The following JAGN1 variants were observed in gnomAD, a reference collection of about 807,000 sequenced individuals.
The protein encoded by JAGN1 is protein jagunal homolog 1.
A neutral mutation model predicts 17.1 loss-of-function variants in JAGN1; 13 were observed. The ratio of observed to expected loss-of-function variants is 0.76; its 90% CI spans 0.49 to 1.21. The LOEUF (loss-of-function observed/expected upper bound fraction) is 1.21, where lower values mean the gene tolerates loss of function less well. JAGN1 is among the 50% of genes most tolerant of loss of function. The pLI is 0.00. For synonymous variants in JAGN1, 111 were observed against 91.0 expected (o/e 1.22, Z -1.25); for missense variants, 256 against 234.2 (o/e 1.09, Z -0.61).
Position 9,893,609 on chromosome 3 carries a change from A to T in JAGN1, c.*232A>T, listed in dbSNP as rs907208002. Reference sequence around the variant, plus strand: ...CTATGAAACAAATTTCAGCTGTTTGAAGTTGAACTTTGAGGTTTTTCTTTA... The same window carrying T: ...CTATGAAACAAATTTCAGCTGTTTGTAGTTGAACTTTGAGGTTTTTCTTTA... On this transcript the variant is annotated 3_prime_UTR_variant, in exon 2 of 2. Coordinates refer to ENST00000647897, the MANE Select transcript of JAGN1 (RefSeq NM_032492.4). The T allele has an allele frequency of 2.1e-5, 11 of 520,904 alleles. No homozygotes were observed. The highest frequency in any genetic ancestry group is 3.7e-5 in the Non-Finnish European group (11 of 295,578). 32.3% of individuals were successfully genotyped at this position (520,904 alleles called of 1,614,324 possible).
Position 9,890,617 on chromosome 3 carries a change from C to G in JAGN1, c.-106C>G, listed in dbSNP as rs542718814. The G allele has an allele frequency of 3.8e-6, 4 of 1,065,520 alleles. No homozygotes were observed. The highest frequency in any genetic ancestry group is 1.5e-5 in the South Asian group (1 of 64,862). The allele number at this position is 1,065,520 out of a possible 1,614,324, so 66.0% of individuals were successfully genotyped here. A position where few individuals can be genotyped will look rare whatever the true frequency, so the allele number is the denominator to read the frequency against. ...ACAGAGGGGCCGGAAGTTCTCTTCACGGAGCCGCGCGGCTGCGGGGGCGCA... is the reference window on the plus strand; with the variant it reads ...ACAGAGGGGCCGGAAGTTCTCTTCAGGGAGCCGCGCGGCTGCGGGGGCGCA... On this transcript the variant is annotated 5_prime_UTR_variant, in exon 1 of 2. Transcript: ENST00000647897.
intron 1 of JAGN1, among the ~76,000 whole-genome samples, chr3:9,891,482 A>G (rs1243085816): frequency 4.0e-5 from 6 of 151,672 alleles, no homozygotes; most frequent in Non-Finnish European, 2.9e-5. Context: ...TCAATAAACA[A>G]TTTTATTAAA....
In JAGN1 at chr3:9,893,224, C is replaced by G. The variant is rs776290458; in HGVS notation, c.399C>G (p.Gly133=). 2 of 1,614,226 alleles carry G rather than the reference C, an allele frequency of 1.2e-6. No individual in the cohort carries two copies. Among genetic ancestry groups the G allele is most frequent in the Non-Finnish European group, 1.7e-6 (2 of 1,180,038 alleles). ...CTGCACAGCAGCTCTACCGCCATGG[C>G]AAGGCCTACCGTTTCCTCTTTGGTT... ...FPAAQQLYRH[G]KAYRFLFGFS... Residue 133 remains glycine, a synonymous_variant, in exon 2 of 2, where the codon GGC becomes GGG. Coordinates refer to ENST00000647897, the MANE Select transcript of JAGN1 (RefSeq NM_032492.4).
intron 1 of JAGN1, 66 bp downstream of exon 1, chr3:9,890,877 G>A: frequency 7.3e-7 from 1 of 1,372,854 alleles, no homozygotes; most frequent in Non-Finnish European, 1.0e-6. Flanking sequence ...CTTGGGGAGC[G>A]ACGCCGGCCC....
chr3:9,890,751 CCGGCACCGA>C lies in JAGN1; in HGVS notation c.35_43del (p.Thr12_Gly14del), dbSNP rs587777731. The C allele has an allele frequency of 1.9e-6, 3 of 1,609,660 alleles. No homozygotes were observed. Among genetic ancestry groups the C allele is most frequent in the Admixed American group, 1.7e-5 (1 of 59,420 alleles). The stretch of plus-strand genomic sequence containing the variant: ...GCGTCTCGAGCAGGCCCGCGAGCGG[CCGGCACCGA>C]CGGCAGCGACTTTCAGCACCGGGAG... On this transcript the variant is annotated inframe_deletion, in exon 1 of 2. Coordinates refer to ENST00000647897, the MANE Select transcript of JAGN1 (RefSeq NM_032492.4).
rs1022133048 is a variant in JAGN1 at position 9,890,634 on chromosome 3, G to T, written c.-89G>T. ...TCTCTTCACGGAGCCGCGCGGCTGC[G>T]GGGGCGCAAATAGGGTCAGTGGGCC... is the stretch of plus-strand genomic sequence containing the variant. On this transcript the variant is annotated 5_prime_UTR_variant, in exon 1 of 2. Transcript: ENST00000647897. 24 of 1,247,522 alleles carry T rather than the reference G, an allele frequency of 1.9e-5. No individual in the cohort carries two copies. Among genetic ancestry groups the T allele is most frequent in the Non-Finnish European group, 2.5e-5 (22 of 892,044 alleles). The allele number at this position is 1,247,522 out of a possible 1,614,324, so 77.3% of individuals were successfully genotyped here.
At position 9,890,700 on chromosome 3, in the gene JAGN1, T is replaced by C. The variant is rs1384037954; in HGVS notation, c.-23T>C. ...TGCGGTACCAGGTCCGCGTGAGGGG[T>C]TCGGGGGTTCTGGGCAGGCACAATG... On this transcript the variant is annotated 5_prime_UTR_variant, in exon 1 of 2. Coordinates refer to ENST00000647897, the MANE Select transcript of JAGN1 (RefSeq NM_032492.4). The C allele has an allele frequency of 1.9e-6, 3 of 1,594,948 alleles. No individual in the cohort carries two copies. The highest frequency in any genetic ancestry group is 2.6e-6 in the Non-Finnish European group (3 of 1,171,684).
chr3:9,892,729 G>T, intron 1 of JAGN1, 186 bp from the exon 2 acceptor site: 1 of 588,100 alleles, frequency 1.7e-6, no homozygotes. Context: ...CATATATCTG[G>T]GAACATATAT....
chr3:9,892,465 C>CCCAAA (rs2082569563), intron 1 of JAGN1, among the ~76,000 whole-genome samples: 1 of 91,180 alleles, frequency 1.1e-5, no homozygotes, highest in African/African-American at 4.1e-5. Context: ...GTGAGCCCAG[C>CCCAAA]CTCTTCTACT....
chr3:9,893,441 A>G lies in JAGN1; in HGVS notation c.*64A>G, dbSNP rs368135532. 1.5e-6 allele frequency: 2 copies of G among 1,300,436 alleles called. No individual in the cohort carries two copies. Among genetic ancestry groups the G allele is most frequent in the Non-Finnish European group, 2.1e-6 (2 of 958,358 alleles). 80.6% of individuals were successfully genotyped at this position (1,300,436 alleles called of 1,614,324 possible). Reference sequence around the variant, plus strand: ...AAAGGACACTAGTACAGCGGTTCCAAAATCCCTTCTGGTGATTTTAGCAGC... The same window carrying G: ...AAAGGACACTAGTACAGCGGTTCCAGAATCCCTTCTGGTGATTTTAGCAGC... On this transcript the variant is annotated 3_prime_UTR_variant, in exon 2 of 2. Transcript: ENST00000647897.
In JAGN1 at chr3:9,890,795, A is replaced by G. The variant is rs1553565144; in HGVS notation, c.73A>G (p.Met25Val). The G allele has an allele frequency of 6.2e-7, 1 of 1,607,638 alleles. No individual in the cohort carries two copies. The highest frequency in any genetic ancestry group is 8.5e-7 in the Non-Finnish European group (1 of 1,177,898). ...SDFQHRERVA[M>V]HYQMSVTLKY... ...CTTTCAGCACCGGGAGCGCGTCGCC[A>G]TGCACTACCAGATGAGGTATGAAGT... The change falls in exon 1 of 2, where the codon ATG (methionine) becomes GTG (valine). Residue 25 changes from methionine to valine, a missense_variant. Physicochemically the swap from Met to Val is conservative, Grantham distance 21. Transcript: ENST00000647897.
rs1575467572 is a variant in JAGN1, at chr3:9,893,089, C to T, written c.264C>T (p.Gly88=). The T allele has an allele frequency of 1.5e-5, 24 of 1,614,190 alleles. No homozygotes were observed. The East Asian group carries it at 4.2e-4, about 28-fold the overall frequency. ...TGAGCATTTTGCCCTCTCTCTTGGG[C>T]CTTCTCTCCTTTCCCCGCAACAACA... The part of the protein sequence containing the change: ...YLLSILPSLL[G]LLSFPRNNIS... Residue 88 remains glycine, a synonymous_variant, in exon 2 of 2, where the codon GGC becomes GGT. Coordinates refer to ENST00000647897, the MANE Select transcript of JAGN1 (RefSeq NM_032492.4).
rs1347899294 is a variant in JAGN1, at chr3:9,893,292, T to C, written c.467T>C (p.Val156Ala). The change falls in exon 2 of 2, where the codon GTG (valine) becomes GCG (alanine). Residue 156 changes from valine (V) to alanine (A), a missense_variant. By Grantham distance (64) the Val-to-Ala change is moderately conservative. Coordinates refer to ENST00000647897, the MANE Select transcript of JAGN1 (RefSeq NM_032492.4). ...SIMYLVLVLAVQVHAWQLYYS... is the reference protein window; with the variant it reads ...SIMYLVLVLAAQVHAWQLYYS... ...ATGTACCTGGTGTTGGTGTTGGCAG[T>C]GCAAGTGCATGCCTGGCAGTTGTAC... 2 of 1,614,212 alleles carry C rather than the reference T, an allele frequency of 1.2e-6. No homozygotes were observed. Among genetic ancestry groups the C allele is most frequent in the Non-Finnish European group, 1.7e-6 (2 of 1,180,032 alleles).
rs2082575463 is a variant in JAGN1 at position 9,893,271 on chromosome 3, AC to A, written c.448del (p.Leu150TrpfsTer21). ...GGTTTTTCTGCCGTTTCCATCATGT[AC>A]CTGGTGTTGGTGTTGGCAGTGCAAG... is the stretch of plus-strand genomic sequence containing the variant. ...LFGFSAVSIM[Y>X]LVLVLAVQVH... On this transcript the variant is annotated frameshift_variant, in exon 2 of 2. Transcript: ENST00000647897. LOFTEE classifies it high-confidence loss of function. The A allele has an allele frequency of 6.2e-7, 1 of 1,613,996 alleles. No individual in the cohort carries two copies. Among genetic ancestry groups the A allele is most frequent in the South Asian group, 1.1e-5 (1 of 91,074 alleles).
In JAGN1 at chr3:9,890,650, T is replaced by A; in HGVS notation, c.-73T>A. The stretch of plus-strand genomic sequence containing the variant: ...CGCGGCTGCGGGGGCGCAAATAGGG[T>A]CAGTGGGCCGCTTGGCGGTGTCGTT... On this transcript the variant is annotated 5_prime_UTR_variant, in exon 1 of 2. Coordinates refer to ENST00000647897, the MANE Select transcript of JAGN1 (RefSeq NM_032492.4). 2.8e-6 allele frequency: 4 copies of A among 1,427,438 alleles called. No homozygotes were observed. The highest frequency in any genetic ancestry group is 3.8e-6 in the Non-Finnish European group (4 of 1,041,642). 88.4% of individuals were successfully genotyped at this position (1,427,438 alleles called of 1,614,324 possible).
At chr3:9,892,118 G>A (rs1353301851) in intron 1 of JAGN1, among the ~76,000 whole-genome samples, 1 of 152,042 alleles carries the variant, frequency 6.6e-6, no homozygotes, top group Non-Finnish European at 1.5e-5. Context: ...CCGGGTTCAC[G>A]CCATTCTCAG....
rs372024121 is a variant in JAGN1 at position 9,893,486 on chromosome 3, G to A, written c.*109G>A. On this transcript the variant is annotated 3_prime_UTR_variant, in exon 2 of 2. Coordinates refer to ENST00000647897, the MANE Select transcript of JAGN1 (RefSeq NM_032492.4). ...AGCAGCTGTGATGTTGGTACCTGGTGCAGACCAGGCCAAAGTTCTGGAAAG... is the reference window on the plus strand; with the variant it reads ...AGCAGCTGTGATGTTGGTACCTGGTACAGACCAGGCCAAAGTTCTGGAAAG... 1.3e-4 allele frequency: 112 copies of A among 873,668 alleles called. No individual in the cohort carries two copies. The highest frequency in any genetic ancestry group is 2.9e-5 in the Admixed American group (1 of 34,260). The allele number at this position is 873,668 out of a possible 1,614,324, so 54.1% of individuals were successfully genotyped here. A position where few individuals can be genotyped will look rare whatever the true frequency, so the allele number is the denominator to read the frequency against.
At position 9,894,023 on chromosome 3, in the gene JAGN1, T is replaced by A. The variant is rs2082580583; in HGVS notation, c.*646T>A. The A allele has an allele frequency of 6.6e-6, 1 of 152,586 alleles. No individual in the cohort carries two copies. Among genetic ancestry groups the A allele is most frequent in the Admixed American group, 6.5e-5 (1 of 15,314 alleles). The allele number at this position is 152,586 out of a possible 1,614,324, so 9.5% of individuals were successfully genotyped here. On this transcript the variant is annotated 3_prime_UTR_variant, in exon 2 of 2. Coordinates refer to ENST00000647897, the MANE Select transcript of JAGN1 (RefSeq NM_032492.4). ...GTCATAGTTGTAACCTACAGCTGAT[T>A]GGTAAGAACTATGGGCCAGACATTT...
At position 9,893,980 on chromosome 3, in the gene JAGN1, T is replaced by G. The variant is rs2082580318; in HGVS notation, c.*603T>G. ...TAGCAGTGGCCATAGAGAAGTAGAC[T>G]GGGTATGGGGAACCTAAGTCATAGT... On this transcript the variant is annotated 3_prime_UTR_variant, in exon 2 of 2. Transcript: ENST00000647897. 6.5e-6 allele frequency: 1 copy of G among 153,650 alleles called. No homozygotes were observed. The highest frequency in any genetic ancestry group is 2.4e-5 in the African/African-American group (1 of 41,444). The allele number at this position is 153,650 out of a possible 1,614,324, so 9.5% of individuals were successfully genotyped here.
Sources: allele counts gnomAD v4.1 joint callset (sites outside exome capture counted in the v4.1 genomes callset), GRCh38; gene constraint gnomAD v4.1.1; transcripts MANE v1.5; gene names NCBI Gene and HGNC (gene_info 2026-07-23, HGNC 2026-07-21).